Variants in RARB observed in about 807,000 individuals in gnomAD.
The protein encoded by RARB is HBV-activated protein.
In RARB, 17 loss-of-function variants were observed where a neutral mutation model predicts 51.9. The ratio of observed to expected loss-of-function variants is 0.33; its 90% CI spans 0.22 to 0.49. The LOEUF (loss-of-function observed/expected upper bound fraction) is 0.49. Among genes scored for constraint, RARB ranks in the 20% least tolerant of loss-of-function variants. The pLI is 0.99. For synonymous variants in RARB, 215 were observed against 195.4 expected, an observed-to-expected ratio of 1.10 and a Z score of -0.84; for missense variants, 369 against 550.8, an observed-to-expected ratio of 0.67 and a Z score of 3.30.
rs372592214 is a variant in RARB, at chr3:24,884,026, C to G, written c.-380+25274C>G. Reference sequence around the variant, plus strand: ...TAACAAGCATCTCGTCATATACTTTCTTGGTTTCCTGACACCAACGATTTT... The same window carrying G: ...TAACAAGCATCTCGTCATATACTTTGTTGGTTTCCTGACACCAACGATTTT... On this transcript the variant is annotated intron_variant, in intron 2 of 11. Coordinates refer to the RARB transcript ENST00000383772. 1.8e-4 allele frequency among the ~76,000 whole-genome samples: 27 copies of G among 152,174 alleles called. No homozygotes were observed. In the East Asian group the frequency reaches 4.5e-3, roughly 25 times the overall value.
chr3:25,471,405 G>T (rs1695684499), intron 2 of RARB, among the ~76,000 whole-genome samples: 1 of 152,172 alleles, frequency 6.6e-6, no homozygotes, highest in Non-Finnish European at 1.5e-5. Context: ...CAGCTGAAAT[G>T]ACAATCTACC....
rs1236871444 is a variant in RARB, at chr3:25,597,522, A to AT, written c.*908dup. On this transcript the variant is annotated 3_prime_UTR_variant, in exon 8 of 8. Transcript: ENST00000330688. Reference sequence around the variant, plus strand: ...GCCATTAGGGAAATTTCATGGGATAATTAGCAGGCTGGTCTACCACCTGGA... The same window carrying AT: ...GCCATTAGGGAAATTTCATGGGATAATTTAGCAGGCTGGTCTACCACCTGGA... 1 of 152,664 alleles carries AT rather than the reference A, an allele frequency of 6.6e-6. No individual in the cohort carries two copies. The highest frequency in any genetic ancestry group is 1.5e-5 in the Non-Finnish European group (1 of 68,050). 9.5% of individuals were successfully genotyped at this position (152,664 alleles called of 1,614,324 possible).
intron 5 of RARB, among the ~76,000 whole-genome samples, chr3:25,396,883 G>T (rs1311036747): frequency 6.6e-6 from 1 of 152,084 alleles, no homozygotes; most frequent in South Asian, 2.1e-4. Context: ...CTCCAACTGT[G>T]CCCCACCAAC....
chr3:25,046,867 G>A (rs902048565), intron 2 of RARB, among the ~76,000 whole-genome samples: 5 of 152,144 alleles, frequency 3.3e-5, no homozygotes, highest in East Asian at 1.9e-4. Context: ...GTTAATACAC[G>A]TGTGTTGGGA....
intron 2 of RARB, among the ~76,000 whole-genome samples, chr3:25,047,116 A>G (rs1698233845): frequency 6.6e-6 from 1 of 152,190 alleles, no homozygotes; most frequent in African/African-American, 2.4e-5. Context: ...ATTTGCAAAG[A>G]CTTCTGGAGG....
chr3:24,865,608 G>C (rs2125345267), intron 2 of RARB, among the ~76,000 whole-genome samples: 1 of 152,232 alleles, frequency 6.6e-6, no homozygotes, highest in South Asian at 2.1e-4. Context: ...CTGTCCTGTG[G>C]TGATTTTCTT....
intron 4 of RARB, among the ~76,000 whole-genome samples, chr3:25,575,163 C>T (rs182004182): frequency 1.3e-5 from 2 of 152,236 alleles, no homozygotes; most frequent in East Asian, 1.9e-4. Flanking sequence ...CCCTCGCATG[C>T]GCACTTTGCA....
intron 1 of RARB, among the ~76,000 whole-genome samples, chr3:24,853,839 T>A (rs2125337558): frequency 6.6e-6 from 1 of 152,200 alleles, no homozygotes; most frequent in Non-Finnish European, 1.5e-5. Flanking sequence ...CCCCAGAAAA[T>A]GATGTAAGGA....
chr3:25,288,445 G>A (rs1382238760), intron 5 of RARB, among the ~76,000 whole-genome samples: 2 of 152,156 alleles, frequency 1.3e-5, no homozygotes, highest in East Asian at 1.9e-4. Context: ...CAGTCAATGT[G>A]CTGTTTTCTT....
At chr3:24,838,993 T>C (rs1702381514) in intron 1 of RARB, among the ~76,000 whole-genome samples, 1 of 151,874 alleles carries the variant, frequency 6.6e-6, no homozygotes, top group Admixed American at 6.6e-5. Flanking sequence ...ACCTAATATA[T>C]TATGGGATGA....
chr3:25,483,261 G>A (rs1214793280), intron 2 of RARB, among the ~76,000 whole-genome samples: 2 of 152,184 alleles, frequency 1.3e-5, no homozygotes, highest in Non-Finnish European at 2.9e-5. Flanking sequence ...AAAACTTGGG[G>A]AAATTTTGCT....
At chr3:24,925,617 G>A (rs1479168721) in intron 2 of RARB, among the ~76,000 whole-genome samples, 2 of 144,650 alleles carry the variant, frequency 1.4e-5, no homozygotes, top group Non-Finnish European at 3.0e-5. Context: ...TTCCACTCTG[G>A]CCTGGGTGAC....
At chr3:25,064,514 T>C (rs906492743) in intron 3 of RARB, among the ~76,000 whole-genome samples, 3 of 152,116 alleles carry the variant, frequency 2.0e-5, no homozygotes, top group Admixed American at 6.6e-5. Flanking sequence ...TCTTATAGAA[T>C]TACCGAGAGA....
chr3:25,042,409 C>T (rs1220817484), intron 2 of RARB, among the ~76,000 whole-genome samples: 1 of 152,202 alleles, frequency 6.6e-6, no homozygotes, highest in African/African-American at 2.4e-5. Flanking sequence ...CCAGAATGCT[C>T]TAAGTGCTTT....
intron 2 of RARB, among the ~76,000 whole-genome samples, chr3:24,875,407 G>T (rs1020640750): frequency 4.6e-5 from 7 of 152,080 alleles, no homozygotes; most frequent in Non-Finnish European, 7.4e-5. Flanking sequence ...GGCAACTTGT[G>T]ATCTTGGGCA....
chr3:25,272,172 C>A (rs1438395724), intron 5 of RARB, among the ~76,000 whole-genome samples: 1 of 152,168 alleles, frequency 6.6e-6, no homozygotes, highest in Non-Finnish European at 1.5e-5. Flanking sequence ...GACAGTGTTA[C>A]ACCTTTAAAA....
At chr3:25,333,224 T>A (rs1704958602) in intron 5 of RARB, among the ~76,000 whole-genome samples, 1 of 151,992 alleles carries the variant, frequency 6.6e-6, no homozygotes, top group Non-Finnish European at 1.5e-5. Context: ...GCCAAGTCAA[T>A]CCTAAGCCAA....
At chr3:24,968,514 G>T (rs907492492) in intron 2 of RARB, among the ~76,000 whole-genome samples, 1 of 152,134 alleles carries the variant, frequency 6.6e-6, no homozygotes, top group East Asian at 1.9e-4. Context: ...GCTGGGATCA[G>T]TTGGGCTGAT....
In RARB at chr3:25,116,360, T is replaced by C. The variant is rs531543151; in HGVS notation, c.-327-15801T>C. On this transcript the variant is annotated intron_variant, in intron 3 of 11. Transcript: ENST00000383772. The stretch of plus-strand genomic sequence containing the variant: ...AATCAGCCACCCTTCCCTTTTTTTT[T>C]CCCACTTTATGCAAGTCATGACCTA... Among the ~76,000 whole-genome samples, 27 of 152,198 alleles carry C rather than the reference T, an allele frequency of 1.8e-4. No individual in the cohort carries two copies. In the South Asian group the frequency reaches 2.9e-3, roughly 16 times the overall value.
Sources: allele counts gnomAD v4.1 joint callset (sites outside exome capture counted in the v4.1 genomes callset), GRCh38; gene constraint gnomAD v4.1.1; transcripts MANE v1.5; gene names NCBI Gene and HGNC (gene_info 2026-07-23, HGNC 2026-07-21).